Variants in HSD17B6 observed in about 807,000 individuals in gnomAD.
HSD17B6 encodes the protein 17-beta-hydroxysteroid dehydrogenase type 6.
In HSD17B6, 16 loss-of-function variants were observed where a neutral mutation model predicts 26.4. The ratio of observed to expected loss-of-function variants is 0.61; its 90% CI spans 0.41 to 0.92. HSD17B6 has a LOEUF of 0.92. HSD17B6 is among the 40% of genes least tolerant of loss of function. The pLI is 0.00. For missense variants in HSD17B6, 357 were observed against 386.1 expected (o/e 0.92, Z 0.63); for synonymous variants, 139 against 153.0 (o/e 0.91, Z 0.68).
At chr12:56,776,435 G>A (rs1263772604) in intron 2 of HSD17B6, among the ~76,000 whole-genome samples, 2 of 150,884 alleles carry the variant, frequency 1.3e-5, no homozygotes, top group African/African-American at 4.9e-5. Flanking sequence ...CTCCCAAGTA[G>A]CTGGAGTACA....
At position 56,782,127 on chromosome 12, in the gene HSD17B6, G is replaced by A. The variant is rs761708785; in HGVS notation, c.467G>A (p.Arg156Gln). The change falls in exon 3 of 5, where the codon CGG (arginine) becomes CAG (glutamine). Residue 156 changes from arginine (R) to glutamine (Q), a missense_variant. Transcript: ENST00000322165. ...LSMLPLVRRA[R>Q]GRIVNVSSIL... ...ATGCTTCCTTTGGTGAGGAGAGCAC[G>A]GGGAAGAATTGTCAATGTCTCCAGC... 9.3e-6 allele frequency: 15 copies of A among 1,614,172 alleles called. No individual in the cohort carries two copies. The Admixed American group carries it at 2.0e-4, about 22-fold the overall frequency.
At chr12:56,779,806 T>C (rs1954673850) in intron 2 of HSD17B6, among the ~76,000 whole-genome samples, 1 of 151,754 alleles carries the variant, frequency 6.6e-6, no homozygotes, top group Non-Finnish European at 1.5e-5. Flanking sequence ...TTTACCTTTT[T>C]TTTTTTTTTT....
chr12:56,780,776 G>A (rs113806096), intron 2 of HSD17B6, among the ~76,000 whole-genome samples: 4 of 151,710 alleles, frequency 2.6e-5, no homozygotes, highest in East Asian at 1.9e-4. Flanking sequence ...GTGAACCCGG[G>A]GGGTGGAGCT....
At chr12:56,768,711 A>G (rs1169382309) in intron 1 of HSD17B6, among the ~76,000 whole-genome samples, 2 of 144,064 alleles carry the variant, frequency 1.4e-5, no homozygotes, top group Non-Finnish European at 3.1e-5. Flanking sequence ...TTGCGAAATA[A>G]TAAGGGAGGA....
intron 1 of HSD17B6, among the ~76,000 whole-genome samples, chr12:56,765,259 AC>A (rs1954297439): frequency 6.6e-6 from 1 of 151,862 alleles, no homozygotes; most frequent in African/African-American, 2.4e-5. Flanking sequence ...ATATGGTAAA[AC>A]CTTGTCTTTA....
chr12:56,772,249 T>C (rs975875719), intron 1 of HSD17B6, among the ~76,000 whole-genome samples: 1 of 152,206 alleles, frequency 6.6e-6, no homozygotes. Flanking sequence ...AATGCATTGT[T>C]GTCAGTCTTC....
chr12:56,784,151 G>A (rs1954817662), intron 3 of HSD17B6, among the ~76,000 whole-genome samples: 1 of 151,744 alleles, frequency 6.6e-6, no homozygotes, highest in African/African-American at 2.4e-5. Flanking sequence ...TCACTTCCTA[G>A]ATGGGATGGC....
At chr12:56,776,894 G>A (rs985651723) in intron 2 of HSD17B6, among the ~76,000 whole-genome samples, 1 of 152,128 alleles carries the variant, frequency 6.6e-6, no homozygotes, top group Non-Finnish European at 1.5e-5. Context: ...ACCTATTGAA[G>A]GACATCTTGG....
At chr12:56,772,405 A>G (rs926596865) in intron 1 of HSD17B6, among the ~76,000 whole-genome samples, 1 of 152,090 alleles carries the variant, frequency 6.6e-6, no homozygotes, top group African/African-American at 2.4e-5. Flanking sequence ...TTAAAAGATG[A>G]GTGTTATGGC....
At chr12:56,779,749 G>C in intron 2 of HSD17B6, among the ~76,000 whole-genome samples, 1 of 146,150 alleles carries the variant, frequency 6.8e-6, no homozygotes, top group South Asian at 2.1e-4. Flanking sequence ...TTTCAGTTCT[G>C]TTTTTTGGCT....
intron 1 of HSD17B6, chr12:56,770,435 C>T (rs1379480583): frequency 6.6e-6 from 1 of 152,356 alleles, no homozygotes; most frequent in East Asian, 1.9e-4. Context: ...TTAAGAGCAC[C>T]AGTGCCCTCC....
intron 1 of HSD17B6, among the ~76,000 whole-genome samples, chr12:56,768,986 G>A (rs1954407007): frequency 6.6e-6 from 1 of 150,410 alleles, no homozygotes; most frequent in South Asian, 2.2e-4. Flanking sequence ...GTAATAGAGA[G>A]AGACTGAGGA....
intron 1 of HSD17B6, among the ~76,000 whole-genome samples, chr12:56,766,126 C>T (rs1954322079): frequency 6.6e-6 from 1 of 151,922 alleles, no homozygotes; most frequent in South Asian, 2.1e-4. Context: ...CCCACCCCTG[C>T]CTGCAAGAGA....
intron 2 of HSD17B6, among the ~76,000 whole-genome samples, chr12:56,774,600 T>C (rs1278354688): frequency 6.6e-6 from 1 of 152,220 alleles, no homozygotes; most frequent in Non-Finnish European, 1.5e-5. Context: ...GAAATAATTA[T>C]ACAACTCACC....
chr12:56,768,010 T>C (rs1172625947), intron 1 of HSD17B6, among the ~76,000 whole-genome samples: 1 of 151,696 alleles, frequency 6.6e-6, no homozygotes, highest in Non-Finnish European at 1.5e-5. Flanking sequence ...ACACAGTGCC[T>C]GGCAAGGAAA....
chr12:56,783,018 T>G (rs1295439853), intron 3 of HSD17B6, among the ~76,000 whole-genome samples: 1 of 152,216 alleles, frequency 6.6e-6, no homozygotes, highest in Admixed American at 6.5e-5. Context: ...CAGAACAAAA[T>G]GAAAAGTCTC....
chr12:56,778,723 G>A (rs1028128911), intron 2 of HSD17B6, among the ~76,000 whole-genome samples: 3 of 141,080 alleles, frequency 2.1e-5, no homozygotes, highest in Non-Finnish European at 4.5e-5. Flanking sequence ...CGCCCAGGCT[G>A]GAGTGCAGTG....
chr12:56,771,042 T>C (rs1335214337), intron 1 of HSD17B6, among the ~76,000 whole-genome samples: 2 of 152,162 alleles, frequency 1.3e-5, no homozygotes, highest in Non-Finnish European at 2.9e-5. Context: ...TGGGCACTGG[T>C]CAGCCAATGA....
intron 2 of HSD17B6, among the ~76,000 whole-genome samples, chr12:56,779,685 G>A (rs564215604): frequency 6.6e-6 from 1 of 151,962 alleles, no homozygotes; most frequent in African/African-American, 2.4e-5. Flanking sequence ...AAGGCCCTCA[G>A]AACACTCACA....
Sources: allele counts gnomAD v4.1 joint callset (sites outside exome capture counted in the v4.1 genomes callset), GRCh38; gene constraint gnomAD v4.1.1; transcripts MANE v1.5; gene names NCBI Gene and HGNC (gene_info 2026-07-23, HGNC 2026-07-21).